GMDS: variants seen among roughly 807,000 people sequenced by gnomAD.
GMDS encodes GDP-mannose 4,6 dehydratase.
Under a neutral mutation model 49.9 loss-of-function variants are expected in GMDS, and 20 were observed. The ratio of observed to expected loss-of-function variants is 0.40; its 90% confidence interval spans 0.28 to 0.58. The LOEUF (loss-of-function observed/expected upper bound fraction) is 0.58, where lower values mean the gene tolerates loss of function less well. Ranked by LOEUF, GMDS falls within the 20% of genes least tolerant of loss-of-function variation. The probability of loss-of-function intolerance (pLI) is 0.42; values close to 1 mark genes in which losing one functional copy is unlikely to be tolerated. For synonymous variants in GMDS, 177 were observed against 178.6 expected (o/e 0.99, Z 0.07); for missense variants, 362 against 481.4 (o/e 0.75, Z 2.32).
intron 9 of GMDS, among the ~76,000 whole-genome samples, chr6:1,667,508 G>A (rs1764271528): frequency 1.3e-5 from 2 of 152,160 alleles, no homozygotes; most frequent in Non-Finnish European, 2.9e-5. Context: ...AGCTGACTAA[G>A]CCTAAACATT....
intron 7 of GMDS, among the ~76,000 whole-genome samples, chr6:1,782,485 C>T (rs530104375): frequency 6.6e-6 from 1 of 152,156 alleles, no homozygotes; most frequent in African/African-American, 2.4e-5. Context: ...GCCTTAAGAC[C>T]AACTTTGTTA....
intron 7 of GMDS, among the ~76,000 whole-genome samples, chr6:1,759,430 G>T (rs1283283024): frequency 6.6e-6 from 1 of 152,186 alleles, no homozygotes; most frequent in African/African-American, 2.4e-5. Context: ...GTATTCTTGC[G>T]ACTGCATGAT....
At chr6:2,219,735 T>TA (rs35413061) in intron 1 of GMDS, among the ~76,000 whole-genome samples, 12 of 151,622 alleles carry the variant, frequency 7.9e-5, no homozygotes, top group Non-Finnish European at 1.5e-4. Flanking sequence ...CCAGAAACTT[T>TA]AAAAAAAAAT....
At chr6:2,188,771 G>C (rs533616621) in intron 1 of GMDS, among the ~76,000 whole-genome samples, 2 of 152,296 alleles carry the variant, frequency 1.3e-5, no homozygotes, top group East Asian at 3.9e-4. Context: ...GAACCATGAG[G>C]CCTTCTAAGT....
chr6:2,040,060 T>A (rs916818992), intron 4 of GMDS, among the ~76,000 whole-genome samples: 1 of 152,154 alleles, frequency 6.6e-6, no homozygotes, highest in African/African-American at 2.4e-5. Flanking sequence ...ACTATAATCT[T>A]ATGGTGCCAC....
At chr6:1,835,022 A>AT (rs989021759) in intron 7 of GMDS, among the ~76,000 whole-genome samples, 1 of 152,224 alleles carries the variant, frequency 6.6e-6, no homozygotes, top group East Asian at 1.9e-4. Context: ...CAGTTTAATT[A>AT]TTTTTTTATT....
At chr6:1,909,666 T>G (rs1476124725) in intron 7 of GMDS, among the ~76,000 whole-genome samples, 1 of 152,158 alleles carries the variant, frequency 6.6e-6, no homozygotes, top group Non-Finnish European at 1.5e-5. Context: ...CTGAAGACTC[T>G]CCCTCTGGGG....
intron 1 of GMDS, among the ~76,000 whole-genome samples, chr6:2,175,575 AT>A (rs1209482869): frequency 6.6e-6 from 1 of 152,192 alleles, no homozygotes; most frequent in African/African-American, 2.4e-5. Context: ...AGGTTGTATC[AT>A]TTCACTCAAT....
chr6:1,668,802 C>T (rs1310629012), intron 9 of GMDS, among the ~76,000 whole-genome samples: 1 of 152,144 alleles, frequency 6.6e-6, no homozygotes, highest in Admixed American at 6.5e-5. Flanking sequence ...GAAAACAATG[C>T]TACGAATTTA....
At chr6:1,761,342 A>C (rs1163140551) in intron 7 of GMDS, among the ~76,000 whole-genome samples, 1 of 152,232 alleles carries the variant, frequency 6.6e-6, no homozygotes, top group Non-Finnish European at 1.5e-5. Flanking sequence ...GAAAACTCTA[A>C]AATATCCAAA....
rs569723022 is a variant in GMDS at position 1,994,548 on chromosome 6, G to T, written c.346-33582C>A. On this transcript the variant is annotated intron_variant, in intron 4 of 10. Coordinates refer to ENST00000380815, the MANE Select transcript of GMDS (RefSeq NM_001500.4). ...TTGGGAACAGAAAGATAAATGAGGC[G>T]CAAACTTTGTCATTGAGGAACCCAT... Among the ~76,000 whole-genome samples, 66 of 152,162 alleles carry T rather than the reference G, an allele frequency of 4.3e-4. No individual in the cohort carries two copies. The South Asian group carries it at 0.012, about 28-fold the overall frequency.
At chr6:1,871,864 T>C (rs918286487) in intron 7 of GMDS, among the ~76,000 whole-genome samples, 3 of 152,234 alleles carry the variant, frequency 2.0e-5, no homozygotes, top group South Asian at 4.1e-4. Flanking sequence ...TCTTTTCTTT[T>C]CTCTTTTGTG....
At chr6:1,932,991 T>A (rs1341678613) in intron 6 of GMDS, among the ~76,000 whole-genome samples, 1 of 152,318 alleles carries the variant, frequency 6.6e-6, no homozygotes, top group East Asian at 1.9e-4. Context: ...AACACTTTCA[T>A]CATCCCAAAA....
intron 1 of GMDS, among the ~76,000 whole-genome samples, chr6:2,153,652 T>C (rs1397432655): frequency 6.6e-6 from 1 of 152,130 alleles, no homozygotes; most frequent in African/African-American, 2.4e-5. Context: ...ACTATATTGT[T>C]CACCTATTGA....
At chr6:1,983,488 AG>A (rs1347698985) in intron 4 of GMDS, among the ~76,000 whole-genome samples, 3 of 152,232 alleles carry the variant, frequency 2.0e-5, no homozygotes, top group African/African-American at 7.2e-5. Context: ...CATCTGACAA[AG>A]GTCTAACATC....
chr6:1,813,257 A>T (rs1048831276), intron 7 of GMDS, among the ~76,000 whole-genome samples: 5 of 151,150 alleles, frequency 3.3e-5, no homozygotes, highest in Middle Eastern at 3.2e-3. Flanking sequence ...AACCTTAATT[A>T]AAAAAATTGA....
rs869292549 is a variant in GMDS, at chr6:1,674,560, C to CTTTTTTTTTTT, written c.988-50031_988-50021dup. 3.1e-4 allele frequency among the ~76,000 whole-genome samples: 23 copies of CTTTTTTTTTTT among 73,460 alleles called. 2 individuals carry two copies. The highest frequency in any genetic ancestry group is 5.7e-4 in the Admixed American group (3 of 5,256). 48.2% of individuals were successfully genotyped at this position (73,460 alleles called of 152,430 possible). ...CAACTCATCAACTCTCTCTCTCTCTCTTTTTTTTTTTTTTTTTTTTTTTTG... is the reference window on the plus strand; with the variant it reads ...CAACTCATCAACTCTCTCTCTCTCTCTTTTTTTTTTTTTTTTTTTTTTTTTTTTTTTTTTTG... On this transcript the variant is annotated intron_variant, in intron 9 of 10. Transcript: ENST00000380815.
chr6:1,779,382 G>A (rs1768981623), intron 7 of GMDS, among the ~76,000 whole-genome samples: 2 of 152,206 alleles, frequency 1.3e-5, no homozygotes, highest in African/African-American at 4.8e-5. Flanking sequence ...CAGGGTCACA[G>A]ATCAGGTGAA....
intron 9 of GMDS, among the ~76,000 whole-genome samples, chr6:1,703,127 G>A (rs918957175): frequency 6.6e-6 from 1 of 152,150 alleles, no homozygotes; most frequent in South Asian, 2.1e-4. Flanking sequence ...GTTCCTTGGT[G>A]TCGGCAACTC....
Sources: allele counts gnomAD v4.1 joint callset (sites outside exome capture counted in the v4.1 genomes callset), GRCh38; gene constraint gnomAD v4.1.1; transcripts MANE v1.5; gene names NCBI Gene and HGNC (gene_info 2026-07-23, HGNC 2026-07-21).